The following NGLY1 variants were observed in gnomAD, a reference collection of about 807,000 sequenced individuals.
The protein encoded by NGLY1 is peptide-N(4)-(N-acetyl-beta-glucosaminyl)asparagine amidase.
In NGLY1, 68 loss-of-function variants were observed where a neutral mutation model predicts 84.6. That is an observed-to-expected ratio of 0.80 (90% CI 0.66 to 0.98). The LOEUF is 0.98. NGLY1 is among the 50% of genes least tolerant of loss of function. NGLY1 has a pLI of 0.00. For missense variants in NGLY1, 779 were observed against 770.2 expected, an observed-to-expected ratio of 1.01 and a Z score of -0.14; for synonymous variants, 280 against 275.2, an observed-to-expected ratio of 1.02 and a Z score of -0.17.
intron 8 of NGLY1, 97 bp from the exon 9 acceptor site, chr3:25,732,580 G>A (rs1332852320): frequency 2.5e-6 from 2 of 794,124 alleles, no homozygotes; most frequent in Admixed American, 3.0e-5. Flanking sequence ...CATTTTAAGA[G>A]GTCTTGAAAC....
rs578195707 is a variant in NGLY1, at chr3:25,737,234, C to T, written c.1003+100G>A. 8.3e-5 allele frequency: 86 copies of T among 1,039,408 alleles called. No homozygotes were observed. The African/African-American group carries it at 1.3e-3, about 15-fold the overall frequency. The allele number at this position is 1,039,408 out of a possible 1,614,324, so 64.4% of individuals were successfully genotyped here. The stretch of plus-strand genomic sequence containing the variant: ...CAAGGCAAATGGAAGGTCAGACTGA[C>T]AAGGCCAAAAAGTAACAGAGAATCA... On this transcript the variant is annotated intron_variant, in intron 6 of 11. Coordinates refer to ENST00000280700, the MANE Select transcript of NGLY1 (RefSeq NM_018297.4).
At chr3:25,763,237 T>C (rs1707399651) in intron 3 of NGLY1, among the ~76,000 whole-genome samples, 1 of 152,226 alleles carries the variant, frequency 6.6e-6, no homozygotes, top group Non-Finnish European at 1.5e-5. Flanking sequence ...GAAAGAGATA[T>C]TTTGTAAAAT....
intron 4 of NGLY1, among the ~76,000 whole-genome samples, chr3:25,750,416 T>G (rs1706674923): frequency 6.6e-6 from 1 of 152,158 alleles, no homozygotes; most frequent in South Asian, 2.1e-4. Context: ...ACAAATACTG[T>G]ATGATTCCAC....
In NGLY1 at chr3:25,729,280, C is replaced by A. The variant is rs1705419329; in HGVS notation, c.1464G>T (p.Lys488Asn). The A allele has an allele frequency of 6.8e-7, 1 of 1,475,930 alleles. No homozygotes were observed. The highest frequency in any genetic ancestry group is 9.1e-7 in the Non-Finnish European group (1 of 1,102,696). 91.4% of individuals were successfully genotyped at this position (1,475,930 alleles called of 1,614,324 possible). A position where few individuals can be genotyped will look rare whatever the true frequency, so the allele number is the denominator to read the frequency against. The change falls in exon 10 of 12, where the codon AAG becomes AAT. Residue 488 changes from lysine (K) to asparagine (N), a missense_variant. Coordinates refer to ENST00000280700, the MANE Select transcript of NGLY1 (RefSeq NM_018297.4). ...AACAAAGGTGGAGCTGTTTAGAAAT[C>A]TTCTCATTTTCACAGGGAATAAACA... ...ETLFIPCENE[K>N]ISKQLHLCYN...
intron 4 of NGLY1, among the ~76,000 whole-genome samples, chr3:25,750,839 C>A (rs147959285): frequency 5.8e-4 from 88 of 152,198 alleles, no homozygotes; most frequent in African/African-American, 2.0e-3. Flanking sequence ...GGATTGGTTC[C>A]AGGACCCCCA....
chr3:25,767,249 G>A (rs186241705), intron 2 of NGLY1, among the ~76,000 whole-genome samples: 276 of 150,928 alleles, frequency 1.8e-3, no homozygotes, highest in African/African-American at 6.5e-3. Context: ...CCGAGATCAT[G>A]CTACTGCACT....
intron 4 of NGLY1, among the ~76,000 whole-genome samples, chr3:25,746,678 C>G (rs1706453209): frequency 6.6e-6 from 1 of 152,180 alleles, no homozygotes; most frequent in African/African-American, 2.4e-5. Context: ...ATAATGTTCA[C>G]CTAACTAATG....
intron 10 of NGLY1, among the ~76,000 whole-genome samples, chr3:25,722,036 G>A (rs1705020906): frequency 1.3e-5 from 2 of 151,492 alleles, no homozygotes. Context: ...TAGCCAACAT[G>A]GTGGAACCCC....
Position 25,770,920 on chromosome 3 carries a change from T to TG in NGLY1, c.247-6610dup, listed in dbSNP as rs1252237344. ...GGATTTTTTTTCTTGCTGATTTGTT[T>TG]GAGTTCCTTCTAGATTCTAGATATC... On this transcript the variant is annotated intron_variant, in intron 2 of 11. Coordinates refer to ENST00000280700, the MANE Select transcript of NGLY1 (RefSeq NM_018297.4). Among the ~76,000 whole-genome samples the TG allele has an allele frequency of 2.6e-5, 4 of 152,230 alleles. No individual in the cohort carries two copies. The East Asian group carries it at 7.7e-4, about 29-fold the overall frequency.
rs762803518 is a variant in NGLY1 at position 25,764,328 on chromosome 3, T to TA, written c.247-18dup. On this transcript the variant is annotated splice_polypyrimidine_tract_variant and intron_variant, in intron 2 of 11. Coordinates refer to ENST00000280700, the MANE Select transcript of NGLY1 (RefSeq NM_018297.4). ...TGTTTCTCCCTGGAATTTATAAAAT[T>TA]AAAAAAAATGTGAACCTTTGCTTTA... 16 of 1,598,816 alleles carry TA rather than the reference T, an allele frequency of 1.0e-5. No homozygotes were observed. The highest frequency in any genetic ancestry group is 9.0e-5 in the South Asian group (8 of 88,448).
rs555582080 is a variant in NGLY1 at position 25,766,362 on chromosome 3, C to T, written c.247-2051G>A. Among the ~76,000 whole-genome samples the T allele has an allele frequency of 9.2e-5, 14 of 152,266 alleles. No homozygotes were observed. In the East Asian group the frequency reaches 1.4e-3, roughly 15 times the overall value. ...GATTATAGGCGTGAGCCACCATTCCCGGCCAATACTCACATGAAAATACAA... is the reference window on the plus strand; with the variant it reads ...GATTATAGGCGTGAGCCACCATTCCTGGCCAATACTCACATGAAAATACAA... On this transcript the variant is annotated intron_variant, in intron 2 of 11. Coordinates refer to ENST00000280700, the MANE Select transcript of NGLY1 (RefSeq NM_018297.4).
At chr3:25,778,925 CTTTTTTT>C (rs565447910) in intron 1 of NGLY1, among the ~76,000 whole-genome samples, 2 of 54,662 alleles carry the variant, frequency 3.7e-5, no homozygotes, top group Non-Finnish European at 6.8e-5. Flanking sequence ...AAGATACATT[CTTTTTTT>C]TTTTTTTTTT....
intron 3 of NGLY1, among the ~76,000 whole-genome samples, chr3:25,763,129 G>GA (rs112824018): frequency 1.3e-5 from 2 of 151,658 alleles, no homozygotes; most frequent in Non-Finnish European, 2.9e-5. Context: ...CTCAAAAAAA[G>GA]AAAAAAACAA....
intron 3 of NGLY1, 72 bp from the exon 4 acceptor site, chr3:25,751,335 T>A: frequency 8.0e-7 from 1 of 1,252,334 alleles, no homozygotes; most frequent in Non-Finnish European, 1.0e-6. Context: ...ATAAAAAAAC[T>A]GTGGTTTTAT....
At chr3:25,722,763 G>C (rs773235507) in intron 10 of NGLY1, among the ~76,000 whole-genome samples, 1 of 152,184 alleles carries the variant, frequency 6.6e-6, no homozygotes, top group Non-Finnish European at 1.5e-5. Context: ...ACAGCCGCTT[G>C]TAAGGAGGAT....
intron 2 of NGLY1, among the ~76,000 whole-genome samples, chr3:25,768,930 G>A (rs1707758771): frequency 6.6e-6 from 1 of 151,906 alleles, no homozygotes; most frequent in Non-Finnish European, 1.5e-5. Context: ...GCACAGCAAA[G>A]GAAAGAACAA....
chr3:25,783,053 T>C lies in NGLY1; in HGVS notation c.131+207A>G. 1.9e-6 allele frequency: 1 copy of C among 527,204 alleles called. No homozygotes were observed. 32.7% of individuals were successfully genotyped at this position (527,204 alleles called of 1,614,324 possible). On this transcript the variant is annotated intron_variant, in intron 1 of 11. Transcript: ENST00000280700. The surrounding 1 kb of genome is among the most constrained non-coding windows in gnomAD (Gnocchi z 4.5). ...AAGTCACAACTGCAAAGAAACTTCC[T>C]TTTCTCGAGCGGGGGTGGGACTTGG...
intron 2 of NGLY1, among the ~76,000 whole-genome samples, chr3:25,770,337 T>C (rs968739119): frequency 3.3e-5 from 5 of 152,068 alleles, no homozygotes; most frequent in Non-Finnish European, 7.4e-5. Flanking sequence ...TTAGTAGAGA[T>C]GGGGTTTCAC....
At chr3:25,750,106 TATC>T (rs1706653932) in intron 4 of NGLY1, among the ~76,000 whole-genome samples, 1 of 152,104 alleles carries the variant, frequency 6.6e-6, no homozygotes, top group Non-Finnish European at 1.5e-5. Flanking sequence ...TCCCAAAACT[TATC>T]ATGGCAGAAG....
Sources: allele counts gnomAD v4.1 joint callset (sites outside exome capture counted in the v4.1 genomes callset), GRCh38; gene constraint gnomAD v4.1.1; non-coding constraint Gnocchi (gnomAD v3.1); transcripts MANE v1.5; gene names NCBI Gene and HGNC (gene_info 2026-07-23, HGNC 2026-07-21).